NEGR1: variants seen among roughly 807,000 people sequenced by gnomAD.
NEGR1 encodes neuronal growth regulator 1.
A neutral mutation model predicts 40.9 loss-of-function variants in NEGR1; 10 were observed. The ratio of observed to expected loss-of-function variants is 0.24; its 90% CI spans 0.15 to 0.42. The LOEUF is 0.42. Among genes scored for constraint, NEGR1 ranks in the 10% least tolerant of loss-of-function variants. NEGR1 has a pLI of 1.00. For synonymous variants in NEGR1, 185 were observed against 166.8 expected (o/e 1.11, Z -0.84); for missense variants, 352 against 438.9 (o/e 0.80, Z 1.77).
At chr1:71,559,022 T>TGC (rs1417901368) in intron 6 of NEGR1, among the ~76,000 whole-genome samples, 3 of 111,768 alleles carry the variant, frequency 2.7e-5, no homozygotes, top group African/African-American at 9.8e-5. Context: ...TGTGTGTGTA[T>TGC]ATATATATAT....
intron 1 of NEGR1, among the ~76,000 whole-genome samples, chr1:72,210,284 T>C (rs1354609174): frequency 6.6e-6 from 1 of 151,874 alleles, no homozygotes; most frequent in African/African-American, 2.4e-5. Context: ...CTCAGTGGCA[T>C]AGTGCGACAT....
intron 1 of NEGR1, among the ~76,000 whole-genome samples, chr1:71,957,321 C>T (rs918997682): frequency 2.6e-5 from 4 of 152,100 alleles, no homozygotes; most frequent in Non-Finnish European, 5.9e-5. Flanking sequence ...ATGGTGTTAT[C>T]AGATATTTGC....
intron 6 of NEGR1, among the ~76,000 whole-genome samples, chr1:71,589,752 T>C (rs1461364582): frequency 1.8e-5 from 2 of 109,912 alleles, no homozygotes; most frequent in African/African-American, 6.0e-5. Flanking sequence ...ATTGCTATTT[T>C]GCCTTTAGAA....
At chr1:71,971,709 T>C (rs1553126531) in intron 1 of NEGR1, among the ~76,000 whole-genome samples, 2 of 152,260 alleles carry the variant, frequency 1.3e-5, no homozygotes. Context: ...TATTTGATGT[T>C]AAAATATTTG....
intron 2 of NEGR1, among the ~76,000 whole-genome samples, chr1:71,916,773 A>AAAAC (rs1661598101): frequency 6.6e-6 from 1 of 152,174 alleles, no homozygotes; most frequent in Non-Finnish European, 1.5e-5. Context: ...AAAACAAAAC[A>AAAAC]AAACAAAACA....
intron 2 of NEGR1, among the ~76,000 whole-genome samples, chr1:71,853,699 G>T (rs1659679524): frequency 6.6e-6 from 1 of 152,088 alleles, no homozygotes; most frequent in Non-Finnish European, 1.5e-5. Flanking sequence ...GTCCACAATA[G>T]ACAGATCCAG....
intron 3 of NEGR1, among the ~76,000 whole-genome samples, chr1:71,726,146 T>C (rs1164513369): frequency 2.6e-5 from 4 of 152,298 alleles, no homozygotes; most frequent in African/African-American, 9.6e-5. Flanking sequence ...CAGCTGTTAC[T>C]GTCAAGTGTT....
chr1:72,140,223 T>TG (rs1650619264), intron 1 of NEGR1, among the ~76,000 whole-genome samples: 4 of 83,792 alleles, frequency 4.8e-5, no homozygotes, highest in Non-Finnish European at 7.7e-5. Flanking sequence ...AGATAACTGT[T>TG]TTTGTTGTTG....
intron 4 of NEGR1, 113 bp downstream of exon 4, chr1:71,697,895 A>AT (rs1653537872): frequency 2.0e-6 from 2 of 1,017,048 alleles, no homozygotes; most frequent in Non-Finnish European, 2.9e-6. Flanking sequence ...TTAGTAGGTG[A>AT]TTTTTACCAA....
At chr1:71,569,657 C>T (rs1362794853) in intron 6 of NEGR1, among the ~76,000 whole-genome samples, 1 of 152,164 alleles carries the variant, frequency 6.6e-6, no homozygotes, top group East Asian at 1.9e-4. Context: ...TTCTTGCCCT[C>T]ACTAAATGCA....
intron 1 of NEGR1, among the ~76,000 whole-genome samples, chr1:71,968,404 T>G (rs1385302565): frequency 6.6e-6 from 1 of 152,222 alleles, no homozygotes. Context: ...AGTACATTTC[T>G]TTTCTATTTG....
chr1:71,986,458 G>A (rs538696161), intron 1 of NEGR1, among the ~76,000 whole-genome samples: 15 of 152,208 alleles, frequency 9.9e-5, no homozygotes, highest in Non-Finnish European at 1.3e-4. Flanking sequence ...TTCATCCTCC[G>A]CTTCTTCCCA....
chr1:71,865,635 A>G (rs971699885), intron 2 of NEGR1, among the ~76,000 whole-genome samples: 1 of 152,142 alleles, frequency 6.6e-6, no homozygotes, highest in Non-Finnish European at 1.5e-5. Context: ...TAGCATTAGG[A>G]GAAATACTTA....
intron 6 of NEGR1, among the ~76,000 whole-genome samples, chr1:71,494,488 T>C (rs1045393006): frequency 2.6e-5 from 4 of 152,228 alleles, no homozygotes; most frequent in South Asian, 2.1e-4. Context: ...CTCTGCCCTA[T>C]GTATCTATTC....
chr1:71,417,518 A>G (rs929220223), intron 6 of NEGR1, among the ~76,000 whole-genome samples: 2 of 152,180 alleles, frequency 1.3e-5, no homozygotes, highest in Admixed American at 6.5e-5. Flanking sequence ...TACCATAAAT[A>G]TAGAGTTATA....
chr1:71,645,777 AG>A (rs1651508162), intron 4 of NEGR1, among the ~76,000 whole-genome samples: 1 of 151,818 alleles, frequency 6.6e-6, no homozygotes, highest in South Asian at 2.1e-4. Context: ...TAGGTACAGT[AG>A]GAAAAATGGG....
intron 1 of NEGR1, among the ~76,000 whole-genome samples, chr1:72,231,032 G>C (rs1407248780): frequency 6.6e-6 from 1 of 152,294 alleles, no homozygotes; most frequent in Middle Eastern, 3.4e-3. Flanking sequence ...CCACATCAAT[G>C]ATTCATGTCC....
intron 6 of NEGR1, among the ~76,000 whole-genome samples, chr1:71,412,932 C>T (rs1385091411): frequency 6.6e-6 from 1 of 152,058 alleles, no homozygotes; most frequent in African/African-American, 2.4e-5. Flanking sequence ...GTTTGCAGAT[C>T]AGAATTTAAA....
intron 3 of NEGR1, among the ~76,000 whole-genome samples, chr1:71,751,315 G>C (rs1375939277): frequency 6.6e-6 from 1 of 152,074 alleles, no homozygotes; most frequent in Non-Finnish European, 1.5e-5. Context: ...CATAGAGATA[G>C]TGCTTATTAT....
Sources: allele counts gnomAD v4.1 joint callset (sites outside exome capture counted in the v4.1 genomes callset), GRCh38; gene constraint gnomAD v4.1.1; transcripts MANE v1.5; gene names NCBI Gene and HGNC (gene_info 2026-07-23, HGNC 2026-07-21).